Variants in TKFC observed in about 807,000 individuals in gnomAD.
TKFC encodes the protein triokinase and FMN cyclase, also known as triokinase/FMN cyclase.
TKFC carries 46 observed loss-of-function variants against 61.0 expected under a neutral mutation model. That is an observed-to-expected ratio of 0.75 (90% CI 0.60 to 0.96). TKFC has a LOEUF of 0.96. Among genes scored for constraint, TKFC ranks in the 50% least tolerant of loss-of-function variants. TKFC has a pLI of 0.00. For missense variants in TKFC, 715 were observed against 777.5 expected, an observed-to-expected ratio of 0.92 and a Z score of 0.96; for synonymous variants, 314 against 330.1, an observed-to-expected ratio of 0.95 and a Z score of 0.53.
rs113293966 is a variant in TKFC, at chr11:61,346,094, G to C, written c.1575+148G>C. 435 of 1,126,348 alleles carry C rather than the reference G, an allele frequency of 3.9e-4. 3 individuals are homozygous for C. In the African/African-American group the frequency reaches 5.4e-3, roughly 14 times the overall value. 69.8% of individuals were successfully genotyped at this position (1,126,348 alleles called of 1,614,324 possible). A position where few individuals can be genotyped will look rare whatever the true frequency, so the allele number is the denominator to read the frequency against. On this transcript the variant is annotated intron_variant, in intron 17 of 17. Transcript: ENST00000394900. This position sits in a 1 kb window ranked among gnomAD's most constrained non-coding sequence, Gnocchi z 4.1. ...GAGATGAGCACCTATCTCAGAAGGT[G>C]GTTATGTGGCTAAGGAAATATGTAG...
downstream of TKFC, chr11:61,350,844 T>C: frequency 8.4e-7 from 1 of 1,191,864 alleles, no homozygotes; most frequent in Non-Finnish European, 1.1e-6. Flanking sequence ...GTGCTCCCCA[T>C]CAGCCACCCT....
In TKFC at chr11:61,345,260, C is replaced by A. The variant is rs138992789; in HGVS notation, c.1241C>A (p.Ala414Glu). 5.8e-6 allele frequency: 9 copies of A among 1,544,804 alleles called. No homozygotes were observed. The African/African-American group carries it at 1.1e-4, about 19-fold the overall frequency. Residue 414 changes from alanine to glutamate, a missense_variant and splice_region_variant, in exon 14 of 18, where the codon GCA becomes GAA. Ala to Glu is a moderately radical substitution (Grantham distance 107). Transcript: ENST00000394900. ...CGTTHSRAARAIQEWLKEGPP... is the reference protein window; with the variant it reads ...CGTTHSRAAREIQEWLKEGPP... The stretch of plus-strand genomic sequence containing the variant: ...CCTCCCCATCTCTCTCTGCCTGCAG[C>A]AATCCAGGAGTGGCTGAAGGAGGGC...
Position 61,347,357 on chromosome 11 carries a change from C to T in TKFC, c.*854C>T. ...AGGAGTTCAAGACCAGTCTGGGCAA[C>T]ATGGTAAAACCCTGTCTCTACCAAA... is the stretch of plus-strand genomic sequence containing the variant. On this transcript the variant is annotated 3_prime_UTR_variant, in exon 18 of 18. Transcript: ENST00000394900. The T allele has an allele frequency of 1.1e-6, 1 of 893,932 alleles. No individual in the cohort carries two copies. The highest frequency in any genetic ancestry group is 5.1e-5 in the South Asian group (1 of 19,488). The allele number at this position is 893,932 out of a possible 1,614,324, so 55.4% of individuals were successfully genotyped here.
chr11:61,345,967 C>A, intron 17 of TKFC, 21 bp downstream of exon 17: 1 of 1,610,100 alleles, frequency 6.2e-7, no homozygotes, highest in Non-Finnish European at 8.5e-7. Context: ...CTGGGCCCAG[C>A]CACCTGGGGA....
At position 61,346,438 on chromosome 11, in the gene TKFC, C is replaced by T; in HGVS notation, c.1663C>T (p.Pro555Ser). Reference sequence around the variant, plus strand: ...TATCAGCTCAGCACGGCTGGAGCAGCCAGACCCCGGGGCGGTGGCAGCTGC... The same window carrying T: ...TATCAGCTCAGCACGGCTGGAGCAGTCAGACCCCGGGGCGGTGGCAGCTGC... ...SYISSARLEQ[P>S]DPGAVAAAAI... The change falls in exon 18 of 18, where the codon CCA (proline) becomes TCA (serine). Residue 555 changes from proline to serine, a missense_variant. Transcript: ENST00000394900. This position sits in a 1 kb window ranked among gnomAD's most constrained non-coding sequence, Gnocchi z 4.1. 1.2e-6 allele frequency: 2 copies of T among 1,611,542 alleles called. No homozygotes were observed. Among genetic ancestry groups the T allele is most frequent in the Non-Finnish European group, 1.7e-6 (2 of 1,179,754 alleles).
At position 61,339,062 on chromosome 11, in the gene TKFC, C is replaced by T. The variant is rs375300749; in HGVS notation, c.194-4C>T. 16 of 1,611,714 alleles carry T rather than the reference C, an allele frequency of 9.9e-6. No homozygotes were observed. Among genetic ancestry groups the T allele is most frequent in the Non-Finnish European group, 1.4e-5 (16 of 1,178,966 alleles). ...CATGCTCACTCCACTCCTTCCACCTCCAGGTTTCATAGGGAAGGGGATGCT... is the reference window on the plus strand; with the variant it reads ...CATGCTCACTCCACTCCTTCCACCTTCAGGTTTCATAGGGAAGGGGATGCT... On this transcript the variant is annotated splice_polypyrimidine_tract_variant and splice_region_variant and intron_variant, in intron 3 of 17. Coordinates refer to ENST00000394900, the MANE Select transcript of TKFC (RefSeq NM_015533.4).
chr11:61,333,484 A>G (rs1474016065), intron 1 of TKFC, 155 bp downstream of exon 1: 1 of 152,546 alleles, frequency 6.6e-6, no homozygotes, highest in Non-Finnish European at 1.5e-5. Flanking sequence ...TAGAGAGGGA[A>G]GGGAGACCGC....
intron 7 of TKFC, 133 bp downstream of exon 7, chr11:61,342,045 G>A: frequency 3.4e-6 from 3 of 885,030 alleles, no homozygotes; most frequent in Non-Finnish European, 5.1e-6. Flanking sequence ...GTCATTTGAG[G>A]CCCAGCCTGG....
Position 61,346,537 on chromosome 11 carries a change from C to T in TKFC, c.*34C>T. The T allele has an allele frequency of 6.4e-7, 1 of 1,568,788 alleles. No homozygotes were observed. Among genetic ancestry groups the T allele is most frequent in the Non-Finnish European group, 8.6e-7 (1 of 1,157,740 alleles). On this transcript the variant is annotated 3_prime_UTR_variant, in exon 18 of 18. Transcript: ENST00000394900. This position sits in a 1 kb window ranked among gnomAD's most constrained non-coding sequence, Gnocchi z 4.1. The stretch of plus-strand genomic sequence containing the variant: ...ACTGCCTCCCTTGGCCTCAGCTCCT[C>T]TCACTGCTGTGCTGAGGTGGCCTTT...
intron 10 of TKFC, chr11:61,343,089 A>C: frequency 1.6e-6 from 1 of 610,574 alleles, no homozygotes; most frequent in South Asian, 2.0e-5. Context: ...TATGTAAGAC[A>C]CTCAACACAG....
At chr11:61,351,158 C>T, downstream of TKFC, 1 of 1,605,114 alleles carries the variant, frequency 6.2e-7, no homozygotes, top group Non-Finnish European at 8.5e-7. Context: ...CTGAAGATGA[C>T]AAAACAATGT....
chr11:61,342,629 C>T lies in TKFC; in HGVS notation c.746C>T (p.Thr249Ile), dbSNP rs1237875768. 6.2e-7 allele frequency: 1 copy of T among 1,614,086 alleles called. No homozygotes were observed. The highest frequency in any genetic ancestry group is 1.1e-5 in the South Asian group (1 of 91,084). Residue 249 changes from threonine (T) to isoleucine (I), a missense_variant, in exon 9 of 18, where the codon ACC becomes ATC. By Grantham distance (89) the Thr-to-Ile change is moderately conservative (BLOSUM62 -1). Transcript: ENST00000394900. ...KLMLDHMTNT[T>I]NASHVPVQPG... The stretch of plus-strand genomic sequence containing the variant: ...ATGCTCGACCACATGACAAACACCA[C>T]CAACGCGTCCCATGTGCCTGTGCAG...
At chr11:61,341,053 G>A (rs1355894416) in intron 5 of TKFC, among the ~76,000 whole-genome samples, 1 of 151,934 alleles carries the variant, frequency 6.6e-6, no homozygotes, top group South Asian at 2.1e-4. Flanking sequence ...GTAAAAATTG[G>A]GTGGATGGAT....
At chr11:61,343,052 G>T (rs957062770) in intron 10 of TKFC, 1 of 626,966 alleles carries the variant, frequency 1.6e-6, no homozygotes, top group Non-Finnish European at 2.8e-6. Context: ...TTATACCGTT[G>T]TTTTGAGGAT....
chr11:61,338,993 G>T, intron 3 of TKFC, 73 bp from the exon 4 acceptor site: 1 of 1,322,734 alleles, frequency 7.6e-7, no homozygotes. Flanking sequence ...ATGACCCCCG[G>T]AGTGTGGGAA....
intron 1 of TKFC, chr11:61,334,333 AAGAT>A (rs1021751844): frequency 5.8e-6 from 1 of 173,038 alleles, no homozygotes; most frequent in African/African-American, 2.4e-5. Context: ...GCCCGTGTAA[AAGAT>A]AGTTATTCTG....
At chr11:61,341,564 C>T (rs74865458) in intron 6 of TKFC, 50 bp downstream of exon 6, 21,906 of 1,540,614 alleles carry the variant, frequency 0.014, 215 homozygotes, top group Non-Finnish European at 0.015. Flanking sequence ...GGTTGGACAG[C>T]CCTGGGGCGA....
chr11:61,338,947 T>C, intron 3 of TKFC, 119 bp from the exon 4 acceptor site: 1 of 828,036 alleles, frequency 1.2e-6, no homozygotes, highest in Non-Finnish European at 1.9e-6. Context: ...CTGGGGGATC[T>C]TTGAGCACCA....
At chr11:61,341,391 A>C in intron 5 of TKFC, 45 bp from the exon 6 acceptor site, 2 of 1,545,676 alleles carry the variant, frequency 1.3e-6, no homozygotes, top group Non-Finnish European at 1.8e-6. Flanking sequence ...CACATGGTAC[A>C]GTGATACCCT....
Sources: gnomAD v4.1 joint callset for allele counts (sites outside exome capture counted in the v4.1 genomes callset) on GRCh38, gnomAD v4.1.1 for gene constraint, Gnocchi (gnomAD v3.1) non-coding constraint, MANE v1.5 for transcripts, NCBI Gene and HGNC (gene_info 2026-07-23, HGNC 2026-07-21) for gene names.